Variants in DGKB observed in about 807,000 individuals in gnomAD.
DGKB encodes the protein 90 kDa diacylglycerol kinase.
DGKB carries 67 observed loss-of-function variants against 114.3 expected under a neutral mutation model. The observed-to-expected ratio is 0.59, with a 90% CI of 0.48 to 0.72. The LOEUF (loss-of-function observed/expected upper bound fraction) is 0.72, where lower values mean the gene tolerates loss of function less well. Among genes scored for constraint, DGKB ranks in the 30% least tolerant of loss-of-function variants. The pLI is 0.00. For synonymous variants in DGKB, 398 were observed against 323.1 expected (o/e 1.23, Z -2.49); for missense variants, 907 against 975.2 (o/e 0.93, Z 0.93).
intron 21 of DGKB, among the ~76,000 whole-genome samples, chr7:14,445,064 C>T (rs535024456): frequency 2.0e-5 from 3 of 151,986 alleles, no homozygotes; most frequent in South Asian, 4.1e-4. Context: ...ACCTGTACCA[C>T]TATTGTTCCC....
At chr7:14,695,980 G>A (rs567089814) in intron 8 of DGKB, among the ~76,000 whole-genome samples, 1 of 152,194 alleles carries the variant, frequency 6.6e-6, no homozygotes, top group African/African-American at 2.4e-5. Context: ...AGACTTATCA[G>A]TAACACACAT....
chr7:14,312,550 T>A (rs1805586567), intron 23 of DGKB, among the ~76,000 whole-genome samples: 1 of 152,204 alleles, frequency 6.6e-6, no homozygotes, highest in Non-Finnish European at 1.5e-5. Flanking sequence ...TTGAGTACAA[T>A]TTTTTAGTAT....
At position 14,521,032 on chromosome 7, in the gene DGKB, C is replaced by A. The variant is rs1319283470; in HGVS notation, c.1771-42807G>T. On this transcript the variant is annotated intron_variant, in intron 20 of 25. Transcript: ENST00000402815. ...CCCTTTGAATATGTTATTCCACTATCTTTTGGCCTTTGTTGTTTCTGATTA... is the reference window on the plus strand; with the variant it reads ...CCCTTTGAATATGTTATTCCACTATATTTTGGCCTTTGTTGTTTCTGATTA... 3.3e-5 allele frequency among the ~76,000 whole-genome samples: 5 copies of A among 151,992 alleles called. No individual in the cohort carries two copies. The East Asian group carries it at 9.6e-4, about 29-fold the overall frequency.
chr7:14,965,018 T>A (rs1053169969), intron 1 of DGKB, among the ~76,000 whole-genome samples: 5 of 152,044 alleles, frequency 3.3e-5, no homozygotes, highest in Non-Finnish European at 7.4e-5. Flanking sequence ...GTAGAGGGAA[T>A]GGATTCACAA....
chr7:14,204,189 TTATAG>T (rs751800708), intron 23 of DGKB, among the ~76,000 whole-genome samples: 9 of 152,008 alleles, frequency 5.9e-5, no homozygotes, highest in Non-Finnish European at 1.0e-4. Context: ...TTGATCTATA[TTATAG>T]TAAATTACAT....
chr7:14,177,402 A>T (rs543880566), intron 24 of DGKB, among the ~76,000 whole-genome samples: 35 of 152,114 alleles, frequency 2.3e-4, no homozygotes, highest in African/African-American at 8.2e-4. Context: ...TAAAAATACA[A>T]AAATTAGCCA....
chr7:14,301,980 C>T (rs763017331), intron 23 of DGKB, among the ~76,000 whole-genome samples: 3 of 152,066 alleles, frequency 2.0e-5, no homozygotes, highest in Non-Finnish European at 4.4e-5. Context: ...CAGAATCAGG[C>T]ACTCTCACAA....
At position 14,146,447 on chromosome 7, in the gene DGKB, A is replaced by G. The variant is rs1781484870; in HGVS notation, c.*2684T>C. 6.6e-6 allele frequency: 1 copy of G among 152,164 alleles called. No individual in the cohort carries two copies. The highest frequency in any genetic ancestry group is 2.1e-4 in the South Asian group (1 of 4,832). The allele number at this position is 152,164 out of a possible 1,614,324, so 9.4% of individuals were successfully genotyped here. A position where few individuals can be genotyped will look rare whatever the true frequency, so the allele number is the denominator to read the frequency against. On this transcript the variant is annotated 3_prime_UTR_variant, in exon 26 of 26. Transcript: ENST00000402815. ...ATGTCTCCTATATTAAAAGAGGGCG[A>G]CTCAATAGCTGAAAATTTATCTGCA...
chr7:14,238,093 C>A (rs958339154), intron 23 of DGKB, among the ~76,000 whole-genome samples: 2 of 151,896 alleles, frequency 1.3e-5, no homozygotes, highest in African/African-American at 2.4e-5. Context: ...AAACTCATAA[C>A]CCTTTTATCA....
chr7:14,288,585 C>T (rs1159809563), intron 23 of DGKB, among the ~76,000 whole-genome samples: 1 of 152,078 alleles, frequency 6.6e-6, no homozygotes, highest in Non-Finnish European at 1.5e-5. Context: ...TCCTCCCTTG[C>T]AAAGTTTTTC....
At chr7:14,675,771 A>C (rs1819750479) in intron 12 of DGKB, among the ~76,000 whole-genome samples, 1 of 152,044 alleles carries the variant, frequency 6.6e-6, no homozygotes, top group African/African-American at 2.4e-5. Context: ...CTCCTAACCA[A>C]GAAGTCTATA....
intron 21 of DGKB, among the ~76,000 whole-genome samples, chr7:14,406,147 T>G (rs1449335170): frequency 2.0e-5 from 3 of 152,014 alleles, no homozygotes; most frequent in Non-Finnish European, 4.4e-5. Flanking sequence ...AAAATTTCCC[T>G]TAATCCCTCC....
At chr7:14,568,303 C>T (rs971464998) in intron 20 of DGKB, among the ~76,000 whole-genome samples, 2 of 152,238 alleles carry the variant, frequency 1.3e-5, no homozygotes, top group East Asian at 3.9e-4. Flanking sequence ...TCCGATAGTT[C>T]TGGCTAAATT....
At chr7:14,217,899 C>T (rs574411642) in intron 23 of DGKB, among the ~76,000 whole-genome samples, 56 of 152,148 alleles carry the variant, frequency 3.7e-4, no homozygotes, top group Non-Finnish European at 7.4e-4. Flanking sequence ...CCCTCTATTG[C>T]GTCTGAATCC....
At chr7:14,381,025 G>C (rs532377615) in intron 21 of DGKB, among the ~76,000 whole-genome samples, 1 of 152,168 alleles carries the variant, frequency 6.6e-6, no homozygotes, top group African/African-American at 2.4e-5. Context: ...GGGGCACCTC[G>C]TAGTTGGAAG....
In DGKB at chr7:14,757,654, C is replaced by A. The variant is rs767321913; in HGVS notation, c.147+1G>T. The stretch of plus-strand genomic sequence containing the variant: ...CTGATATAAAGAAAAAGAAGTTTTA[C>A]CCCTTCAGGATTATACTTTGCAAGC... On this transcript the variant is annotated splice_donor_variant, in intron 3 of 25. Coordinates refer to ENST00000402815, the MANE Select transcript of DGKB (RefSeq NM_001350709.2). LOFTEE classifies it high-confidence loss of function. 1 of 1,563,028 alleles carries A rather than the reference C, an allele frequency of 6.4e-7. No homozygotes were observed. Among genetic ancestry groups the A allele is most frequent in the Non-Finnish European group, 8.8e-7 (1 of 1,140,330 alleles).
At chr7:14,466,335 G>C (rs1780469919) in intron 21 of DGKB, among the ~76,000 whole-genome samples, 1 of 152,174 alleles carries the variant, frequency 6.6e-6, no homozygotes, top group South Asian at 2.1e-4. Flanking sequence ...AAGGCAGGTG[G>C]ATCACGAGGT....
intron 8 of DGKB, among the ~76,000 whole-genome samples, chr7:14,696,419 C>T (rs1444098726): frequency 1.4e-5 from 2 of 143,802 alleles, no homozygotes; most frequent in African/African-American, 2.5e-5. Flanking sequence ...GGAGTGAACC[C>T]GGGAGGCGGA....
chr7:14,163,434 A>G (rs939066089), intron 25 of DGKB, among the ~76,000 whole-genome samples: 12 of 152,242 alleles, frequency 7.9e-5, no homozygotes, highest in Admixed American at 6.5e-4. Flanking sequence ...CACACAAAAT[A>G]ATGTCCAACT....
Sources: gnomAD v4.1 joint callset for allele counts (sites outside exome capture counted in the v4.1 genomes callset) on GRCh38, gnomAD v4.1.1 for gene constraint, MANE v1.5 for transcripts, NCBI Gene and HGNC (gene_info 2026-07-23, HGNC 2026-07-21) for gene names.